The following PLCH1 variants were observed in gnomAD, a reference collection of about 807,000 sequenced individuals.
The protein encoded by PLCH1 is phospholipase C eta 1.
PLCH1 carries 60 observed loss-of-function variants against 126.7 expected under a neutral mutation model. That is an observed-to-expected ratio of 0.47 (90% CI 0.38 to 0.59). The LOEUF (loss-of-function observed/expected upper bound fraction) is 0.59. Ranked by LOEUF, PLCH1 falls within the 20% of genes least tolerant of loss-of-function variation. PLCH1 has a pLI of 0.00. For missense variants in PLCH1, 1,723 were observed against 2,040.0 expected (o/e 0.84, Z 2.99); for synonymous variants, 719 against 734.9 (o/e 0.98, Z 0.35).
intron 10 of PLCH1, among the ~76,000 whole-genome samples, chr3:155,537,218 A>AC (rs1723534275): frequency 1.0e-4 from 1 of 9,964 alleles, no homozygotes; most frequent in African/African-American, 1.5e-4. Flanking sequence ...AAAAAAAAAA[A>AC]AAAAAAAAAA....
intron 1 of PLCH1, among the ~76,000 whole-genome samples, chr3:155,740,865 T>C (rs994259416): frequency 6.6e-5 from 10 of 152,208 alleles, no homozygotes; most frequent in Non-Finnish European, 1.2e-4. Context: ...GGCCCTGGCT[T>C]CCAGATTTAT....
chr3:155,484,145 T>TTTA (rs1180420398), intron 22 of PLCH1, among the ~76,000 whole-genome samples: 5 of 152,214 alleles, frequency 3.3e-5, no homozygotes, highest in Non-Finnish European at 7.3e-5. Flanking sequence ...TTACCGAAAC[T>TTTA]TTAATACACA....
At chr3:155,454,042 A>C (rs1712378216) in intron 21 of PLCH1, among the ~76,000 whole-genome samples, 1 of 152,144 alleles carries the variant, frequency 6.6e-6, no homozygotes, top group African/African-American at 2.4e-5. Flanking sequence ...ATAGTATGCC[A>C]TAAGATAACC....
intron 6 of PLCH1, among the ~76,000 whole-genome samples, chr3:155,580,056 C>T (rs1223294522): frequency 6.6e-6 from 1 of 152,128 alleles, no homozygotes; most frequent in Admixed American, 6.5e-5. Flanking sequence ...GAAAAACATT[C>T]ATCCCTGCTA....
intron 8 of PLCH1, among the ~76,000 whole-genome samples, chr3:155,558,526 T>C (rs1727126299): frequency 6.6e-6 from 1 of 152,142 alleles, no homozygotes; most frequent in South Asian, 2.1e-4. Flanking sequence ...AAAGTTTAGT[T>C]TATAGATTAG....
intron 2 of PLCH1, among the ~76,000 whole-genome samples, chr3:155,620,644 G>T (rs976218477): frequency 6.6e-6 from 1 of 152,194 alleles, no homozygotes. Flanking sequence ...GAAAGTGGGA[G>T]TTGTATAAGA....
At chr3:155,630,583 C>T (rs1259597256) in intron 2 of PLCH1, among the ~76,000 whole-genome samples, 1 of 152,172 alleles carries the variant, frequency 6.6e-6, no homozygotes, top group East Asian at 1.9e-4. Flanking sequence ...GAGAATTAAC[C>T]CTTCCTTTGG....
chr3:155,655,222 G>C (rs573412508), intron 2 of PLCH1, among the ~76,000 whole-genome samples: 1 of 152,236 alleles, frequency 6.6e-6, no homozygotes, highest in Non-Finnish European at 1.5e-5. Context: ...GATCAATTGA[G>C]CCTGGGAGTT....
Position 155,482,659 on chromosome 3 carries a change from T to C in PLCH1, c.3367A>G (p.Ser1123Gly). The C allele has an allele frequency of 1.2e-6, 2 of 1,614,216 alleles. No homozygotes were observed. Among genetic ancestry groups the C allele is most frequent in the Non-Finnish European group, 1.7e-6 (2 of 1,180,046 alleles). ...TCCAGGTTCTTAATTTCTAGGTTGC[T>C]ATGAGAAAGGACGCTTCCTGACAAG... The part of the protein sequence containing the change: ...SILSGSVLSH[S>G]NLEIKNLEGN... Residue 1123 changes from serine to glycine, a missense_variant, in exon 23 of 23, where the codon AGC (serine) becomes GGC (glycine). Coordinates refer to ENST00000460012, the MANE Select transcript of PLCH1 (RefSeq NM_014996.4).
At position 155,482,283 on chromosome 3, in the gene PLCH1, G is replaced by A. The variant is rs187476467; in HGVS notation, c.3743C>T (p.Pro1248Leu). 14 of 1,614,118 alleles carry A rather than the reference G, an allele frequency of 8.7e-6. No homozygotes were observed. Among genetic ancestry groups the A allele is most frequent in the African/African-American group, 4.0e-5 (3 of 75,016 alleles). Reference sequence around the variant, plus strand: ...AGAACTCGAGAGTGCTATCAGCTCCGGAGATGAGCACAGGAAGGAAGACTT... The same window carrying A: ...AGAACTCGAGAGTGCTATCAGCTCCAGAGATGAGCACAGGAAGGAAGACTT... ...KSKSSFLCSS[P>L]ELIALSSSET... The change falls in exon 23 of 23, where the codon CCG (proline) becomes CTG (leucine). Residue 1248 changes from proline to leucine, a missense_variant. By Grantham distance (98) the Pro-to-Leu change is moderately conservative (BLOSUM62 -3). Transcript: ENST00000460012.
chr3:155,479,097 C>A (rs1352956758), downstream of PLCH1, among the ~76,000 whole-genome samples: 3 of 151,938 alleles, frequency 2.0e-5, no homozygotes, highest in Non-Finnish European at 4.4e-5. Flanking sequence ...CCTAAAGGAA[C>A]AAAACAAAAC....
At chr3:155,674,731 A>T (rs1743922097) in intron 2 of PLCH1, among the ~76,000 whole-genome samples, 1 of 152,192 alleles carries the variant, frequency 6.6e-6, no homozygotes, top group South Asian at 2.1e-4. Context: ...CCTTACATTC[A>T]TCAACTTTGA....
At chr3:155,540,542 G>A (rs1441914272) in intron 10 of PLCH1, among the ~76,000 whole-genome samples, 1 of 151,716 alleles carries the variant, frequency 6.6e-6, no homozygotes, top group African/African-American at 2.4e-5. Context: ...AACAAATCAG[G>A]AAGAAAAAGA....
chr3:155,727,901 T>A (rs1024746791), intron 1 of PLCH1, among the ~76,000 whole-genome samples: 6 of 152,130 alleles, frequency 3.9e-5, no homozygotes, highest in African/African-American at 1.4e-4. Context: ...TGTTTCTTTT[T>A]TTTTTTTCTA....
chr3:155,692,065 T>C (rs1188546656), intron 2 of PLCH1, among the ~76,000 whole-genome samples: 2 of 152,100 alleles, frequency 1.3e-5, no homozygotes, highest in African/African-American at 4.8e-5. Flanking sequence ...AGGTATATCT[T>C]TGTATCATGA....
intron 1 of PLCH1, among the ~76,000 whole-genome samples, chr3:155,717,661 T>C (rs1747628089): frequency 6.6e-6 from 1 of 152,216 alleles, no homozygotes; most frequent in Non-Finnish European, 1.5e-5. Flanking sequence ...CAGGGGGCAG[T>C]GTCCCAAGAC....
intron 4 of PLCH1, among the ~76,000 whole-genome samples, chr3:155,593,118 C>T (rs1356844588): frequency 6.6e-6 from 1 of 152,124 alleles, no homozygotes; most frequent in East Asian, 1.9e-4. Context: ...AAGGGAGTAG[C>T]GCTACTCCCT....
chr3:155,642,532 T>C (rs1293510040), intron 2 of PLCH1, among the ~76,000 whole-genome samples: 1 of 152,164 alleles, frequency 6.6e-6, no homozygotes, highest in African/African-American at 2.4e-5. Context: ...TTTGAATTGG[T>C]AGATAGAGTA....
At chr3:155,561,365 T>C (rs1300794122) in intron 8 of PLCH1, among the ~76,000 whole-genome samples, 1 of 148,518 alleles carries the variant, frequency 6.7e-6, no homozygotes, top group Non-Finnish European at 1.5e-5. Flanking sequence ...TTCCCACCTA[T>C]GAGTGAGAAT....
Sources: allele counts gnomAD v4.1 joint callset (sites outside exome capture counted in the v4.1 genomes callset), GRCh38; gene constraint gnomAD v4.1.1; transcripts MANE v1.5; gene names NCBI Gene and HGNC (gene_info 2026-07-23, HGNC 2026-07-21).